DOCK7: variants seen among roughly 807,000 people sequenced by gnomAD.
DOCK7 encodes the protein dedicator of cytokinesis protein 7.
Under a neutral mutation model 271.0 loss-of-function variants are expected in DOCK7, and 138 were observed. The ratio of observed to expected loss-of-function variants is 0.51; its 90% CI spans 0.44 to 0.59. The LOEUF (loss-of-function observed/expected upper bound fraction) is 0.59. Among genes scored for constraint, DOCK7 ranks in the 20% least tolerant of loss-of-function variants. The probability of loss-of-function intolerance (pLI) is 0.00; values close to 1 mark genes in which losing one functional copy is unlikely to be tolerated. For synonymous variants in DOCK7, 823 were observed against 876.1 expected (o/e 0.94, Z 1.07); for missense variants, 2,066 against 2,592.4 (o/e 0.80, Z 4.41).
chr1:62,575,057 G>T (rs12038768), intron 18 of DOCK7, among the ~76,000 whole-genome samples: 50,734 of 151,910 alleles, frequency 0.33, 8,636 homozygotes, highest in South Asian at 0.42. Context: ...AAGAGATGGG[G>T]TCTTGCTATG....
chr1:62,561,980 T>TCATATATGTA (rs1018584962), intron 18 of DOCK7, among the ~76,000 whole-genome samples: 2 of 147,980 alleles, frequency 1.4e-5, no homozygotes, highest in Non-Finnish European at 2.9e-5. Flanking sequence ...TTCTAAACCT[T>TCATATATGTA]CATATATGTA....
chr1:62,618,957 C>T (rs1487296473), intron 13 of DOCK7, 89 bp from the exon 14 acceptor site: 1 of 1,237,974 alleles, frequency 8.1e-7, no homozygotes, highest in African/African-American at 1.5e-5. Context: ...CCTATTTTTG[C>T]AAGAAGTCTG....
chr1:62,472,090 A>G (rs751912721), intron 48 of DOCK7, among the ~76,000 whole-genome samples: 5 of 151,686 alleles, frequency 3.3e-5, no homozygotes, highest in African/African-American at 7.3e-5. Context: ...TGTTGCTGTT[A>G]TTTCGTTTTT....
rs2149679957 is a variant in DOCK7 at position 62,648,508 on chromosome 1, T to C, written c.426A>G (p.Thr142=). 6 of 1,456,260 alleles carry C rather than the reference T, an allele frequency of 4.1e-6. No individual in the cohort carries two copies. Among genetic ancestry groups the C allele is most frequent in the South Asian group, 1.4e-5 (1 of 70,512 alleles). 90.2% of individuals were successfully genotyped at this position (1,456,260 alleles called of 1,614,324 possible). Residue 142 remains threonine, a synonymous_variant, in exon 5 of 50, where the codon ACA becomes ACG. Coordinates refer to ENST00000635253, the MANE Select transcript of DOCK7 (RefSeq NM_001367561.1). ...TTTGCCTTTCTTTCTGTTTATCTAA[T>C]GTATTGGGATTAAATCCTGTTCCCA... ...HKLGTGFNPN[T]LDKQKERQKG...
In DOCK7 at chr1:62,583,183, C is replaced by T. The variant is rs762205905; in HGVS notation, c.1871+1G>A. On this transcript the variant is annotated splice_donor_variant, in intron 16 of 49. Coordinates refer to ENST00000635253, the MANE Select transcript of DOCK7 (RefSeq NM_001367561.1). LOFTEE classifies it high-confidence loss of function. ...TTGAAAGAAATATTTGAATTCAGTA[C>T]CTGTTATGATATACTACGGCTGTAT... is the stretch of plus-strand genomic sequence containing the variant. The T allele has an allele frequency of 6.2e-7, 1 of 1,606,962 alleles. No homozygotes were observed. The highest frequency in any genetic ancestry group is 8.5e-7 in the Non-Finnish European group (1 of 1,174,488).
chr1:62,631,533 A>T, intron 10 of DOCK7, 128 bp from the exon 11 acceptor site: 1 of 761,048 alleles, frequency 1.3e-6, no homozygotes, highest in Non-Finnish European at 2.1e-6. Context: ...AAAAATCTGT[A>T]CCTTACAGAG....
At chr1:62,528,351 A>C (rs1320011509) in intron 30 of DOCK7, 46 bp from the exon 31 acceptor site, 4 of 1,526,958 alleles carry the variant, frequency 2.6e-6, no homozygotes, top group Non-Finnish European at 3.6e-6. Flanking sequence ...GTTTAGCTGA[A>C]CTAATTCCCT....
chr1:62,595,913 A>G (rs1216357842), intron 14 of DOCK7, among the ~76,000 whole-genome samples: 1 of 152,158 alleles, frequency 6.6e-6, no homozygotes, highest in Non-Finnish European at 1.5e-5. Context: ...TGGACAACAG[A>G]GCAAGACCCT....
At position 62,657,168 on chromosome 1, in the gene DOCK7, T is replaced by C. The variant is rs74078663; in HGVS notation, c.145-3009A>G. On this transcript the variant is annotated intron_variant, in intron 2 of 49. Coordinates refer to ENST00000635253, the MANE Select transcript of DOCK7 (RefSeq NM_001367561.1). The stretch of plus-strand genomic sequence containing the variant: ...GAGAGTAAGTACGTTCACCAATGCC[T>C]AGTGTAACAAGGTCACACACCCTTG... 6.1e-3 allele frequency among the ~76,000 whole-genome samples: 922 copies of C among 152,282 alleles called. 14 individuals carry two copies. The highest frequency in any genetic ancestry group is 0.022 in the African/African-American group (894 of 41,578).
At chr1:62,477,865 A>G (rs1337373719) in intron 43 of DOCK7, 40 bp from the exon 44 acceptor site, 21 of 1,537,682 alleles carry the variant, frequency 1.4e-5, no homozygotes, top group Non-Finnish European at 1.7e-5. Context: ...AAACTTTAAT[A>G]TGAAATCTTC....
At chr1:62,549,155 A>AC (rs2149413210) in intron 22 of DOCK7, among the ~76,000 whole-genome samples, 1 of 152,318 alleles carries the variant, frequency 6.6e-6, no homozygotes, top group African/African-American at 2.4e-5. Context: ...TAATCAGTAA[A>AC]CCAAGAGGGA....
At chr1:62,626,466 C>T (rs1454123763) in intron 11 of DOCK7, among the ~76,000 whole-genome samples, 2 of 150,218 alleles carry the variant, frequency 1.3e-5, no homozygotes, top group African/African-American at 2.4e-5. Context: ...AAGATAAACC[C>T]GACAAATCTT....
chr1:62,581,318 A>C (rs985979752), intron 16 of DOCK7, among the ~76,000 whole-genome samples: 1 of 152,238 alleles, frequency 6.6e-6, no homozygotes, highest in African/African-American at 2.4e-5. Flanking sequence ...AAAGCAGAAA[A>C]GAAATCAGCA....
At chr1:62,542,741 A>T in intron 24 of DOCK7, 38 bp from the exon 25 acceptor site, 1 of 1,575,566 alleles carries the variant, frequency 6.3e-7, no homozygotes, top group Non-Finnish European at 8.7e-7. Flanking sequence ...ATCAAAGTCA[A>T]ATCTGCTGAT....
chr1:62,477,450 C>T (rs1472307616), intron 44 of DOCK7, among the ~76,000 whole-genome samples: 1 of 152,146 alleles, frequency 6.6e-6, no homozygotes, highest in Non-Finnish European at 1.5e-5. Flanking sequence ...CGCAGTAATT[C>T]TGAAGGATAC....
At chr1:62,478,600 G>C (rs923304084) in intron 43 of DOCK7, 1 of 152,050 alleles carries the variant, frequency 6.6e-6, no homozygotes, top group Non-Finnish European at 1.5e-5. Flanking sequence ...TTTTAGTAGA[G>C]ACGGGTTTCA....
chr1:62,659,516 A>G (rs1326336293), intron 2 of DOCK7, among the ~76,000 whole-genome samples: 1 of 152,222 alleles, frequency 6.6e-6, no homozygotes, highest in East Asian at 1.9e-4. Context: ...TAAACAAAAA[A>G]TAAAATGGTA....
At chr1:62,480,307 C>T (rs1415524302) in intron 43 of DOCK7, among the ~76,000 whole-genome samples, 2 of 152,256 alleles carry the variant, frequency 1.3e-5, no homozygotes, top group East Asian at 3.9e-4. Flanking sequence ...AACTAACCTA[C>T]CTCTTTTTAT....
At chr1:62,524,931 CTATA>C (rs147371901) in intron 31 of DOCK7, among the ~76,000 whole-genome samples, 79,208 of 103,626 alleles carry the variant, frequency 0.76, 31,094 homozygotes, top group East Asian at 0.87. Context: ...ACCAACCAAA[CTATA>C]TATATATATA....
Sources: gnomAD v4.1 joint callset for allele counts (sites outside exome capture counted in the v4.1 genomes callset) on GRCh38, gnomAD v4.1.1 for gene constraint, MANE v1.5 for transcripts, NCBI Gene and HGNC (gene_info 2026-07-23, HGNC 2026-07-21) for gene names.